The following SCGB2B2 variants were observed in gnomAD, a reference collection of about 807,000 sequenced individuals.
The protein encoded by SCGB2B2 is secretoglobin-like protein.
Under a neutral mutation model 7.6 loss-of-function variants are expected in SCGB2B2, and 11 were observed. That is an observed-to-expected ratio of 1.45 (90% CI 0.91 to 2.40). The LOEUF is 2.40. Among genes scored for constraint, SCGB2B2 ranks in the 30% most tolerant of loss-of-function variants. The probability of loss-of-function intolerance (pLI) is 0.00; values close to 1 mark genes in which losing one functional copy is unlikely to be tolerated. For missense variants in SCGB2B2, 104 were observed against 115.4 expected (o/e 0.90, Z 0.45); for synonymous variants, 50 against 48.6 (o/e 1.03, Z -0.12).
At chr19:34,593,671 C>T (rs1251370430) in intron 3 of SCGB2B2, 72 bp from the exon 4 acceptor site, 29 of 1,299,076 alleles carry the variant, frequency 2.2e-5, no homozygotes, top group South Asian at 7.6e-5. Context: ...CGTTATTGCC[C>T]GGTCCCCGAG....
intron 1 of SCGB2B2, among the ~76,000 whole-genome samples, chr19:34,638,478 CA>C (rs1301909702): frequency 1.3e-5 from 2 of 148,680 alleles, no homozygotes; most frequent in African/African-American, 2.5e-5. Flanking sequence ...CATCCCCCCC[CA>C]AAAAAACAAA....
At chr19:34,628,336 G>GT (rs1250426783) in intron 1 of SCGB2B2, among the ~76,000 whole-genome samples, 5 of 148,526 alleles carry the variant, frequency 3.4e-5, no homozygotes, top group East Asian at 1.9e-4. Context: ...TCCAGGAACT[G>GT]TTTTTTTGAC....
chr19:34,624,696 G>A (rs192390111), intron 1 of SCGB2B2, among the ~76,000 whole-genome samples: 2 of 152,304 alleles, frequency 1.3e-5, no homozygotes, highest in East Asian at 1.9e-4. Context: ...TGCAGCCTCC[G>A]CCAGATGCCT....
intron 1 of SCGB2B2, chr19:34,640,652 T>A (rs769774979): frequency 3.3e-5 from 5 of 152,234 alleles, no homozygotes; most frequent in African/African-American, 7.2e-5. Context: ...GTTAAGTGTA[T>A]AGTTCAGTGG....
downstream of SCGB2B2, among the ~76,000 whole-genome samples, chr19:34,588,217 GT>G (rs2065223478): frequency 6.6e-6 from 1 of 152,198 alleles, no homozygotes; most frequent in Non-Finnish European, 1.5e-5. Context: ...TAATTGGTCT[GT>G]TCAAAAGTTT....
intron 1 of SCGB2B2, among the ~76,000 whole-genome samples, chr19:34,663,754 G>A (rs957840374): frequency 1.3e-5 from 2 of 151,938 alleles, no homozygotes; most frequent in African/African-American, 4.8e-5. Flanking sequence ...CATGGGAGGA[G>A]GGAAAGGGAG....
intron 1 of SCGB2B2, among the ~76,000 whole-genome samples, chr19:34,597,995 C>T (rs916774699): frequency 1.3e-5 from 2 of 149,762 alleles, no homozygotes; most frequent in South Asian, 2.1e-4. Context: ...ATGGAGGGGT[C>T]GGGGAGACTG....
intron 1 of SCGB2B2, among the ~76,000 whole-genome samples, chr19:34,610,146 G>GT (rs747660723): frequency 4.0e-5 from 6 of 151,732 alleles, no homozygotes; most frequent in Non-Finnish European, 8.8e-5. Flanking sequence ...ACTGATTTTT[G>GT]TATGTCGATT....
intron 1 of SCGB2B2, among the ~76,000 whole-genome samples, chr19:34,621,099 C>T (rs891839694): frequency 2.0e-5 from 3 of 152,102 alleles, no homozygotes; most frequent in African/African-American, 4.8e-5. Flanking sequence ...GGCATTACAG[C>T]TTTTATTTTT....
At chr19:34,617,393 T>C (rs1341576276) in intron 1 of SCGB2B2, among the ~76,000 whole-genome samples, 3 of 151,658 alleles carry the variant, frequency 2.0e-5, no homozygotes. Context: ...CTTAAAGAGG[T>C]CCTTCACATC....
intron 1 of SCGB2B2, among the ~76,000 whole-genome samples, chr19:34,622,748 T>C (rs1288715606): frequency 6.6e-6 from 1 of 152,070 alleles, no homozygotes; most frequent in Non-Finnish European, 1.5e-5. Flanking sequence ...ATCAGAGAGA[T>C]CTTTGGACAC....
At chr19:34,661,840 T>A (rs1235031882) in intron 1 of SCGB2B2, among the ~76,000 whole-genome samples, 3 of 151,618 alleles carry the variant, frequency 2.0e-5, no homozygotes, top group Non-Finnish European at 4.4e-5. Context: ...TTTTTTTTTT[T>A]AGCTCATTAG....
chr19:34,588,763 G>A (rs2065236304), downstream of SCGB2B2, among the ~76,000 whole-genome samples: 1 of 152,196 alleles, frequency 6.6e-6, no homozygotes, highest in African/African-American at 2.4e-5. Flanking sequence ...GGGCATTGGT[G>A]ACTTGGTCAC....
intron 1 of SCGB2B2, among the ~76,000 whole-genome samples, chr19:34,604,886 T>A (rs1384770241): frequency 6.6e-6 from 1 of 152,230 alleles, no homozygotes; most frequent in Non-Finnish European, 1.5e-5. Context: ...AAATGACATA[T>A]AAGAAGCATG....
chr19:34,608,663 A>ATATATATATATATATATATATG (rs1190336154), intron 1 of SCGB2B2: 2 of 49,324 alleles, frequency 4.1e-5, no homozygotes, highest in African/African-American at 1.1e-4. Flanking sequence ...CTCATTGCAT[A>ATATATATATATATATATATATG]TATATATATA....
chr19:34,641,991 G>A (rs1337474734), intron 1 of SCGB2B2, among the ~76,000 whole-genome samples: 1 of 135,412 alleles, frequency 7.4e-6, no homozygotes, highest in Non-Finnish European at 1.7e-5. Context: ...CAGGGGCTAA[G>A]AGCCTTGTCC....
rs2065290647 is a variant in SCGB2B2, at chr19:34,591,281, G to T, written c.*2274C>A. Among the ~76,000 whole-genome samples the T allele has an allele frequency of 6.6e-6, 1 of 152,188 alleles. No individual in the cohort carries two copies. Among genetic ancestry groups the T allele is most frequent in the Admixed American group, 6.5e-5 (1 of 15,290 alleles). On this transcript the variant is annotated 3_prime_UTR_variant, in exon 4 of 4. Transcript: ENST00000601241. ...CTTCTCAGCAGTGGCATCACATCCA[G>T]CCAGCTGCTCCAGCCCAAATGTGAT...
intron 1 of SCGB2B2, among the ~76,000 whole-genome samples, chr19:34,616,370 T>G (rs1017893478): frequency 7.7e-6 from 1 of 130,334 alleles, no homozygotes; most frequent in African/African-American, 2.6e-5. Flanking sequence ...GACTTTTTAA[T>G]GATCGCCATT....
intron 1 of SCGB2B2, among the ~76,000 whole-genome samples, chr19:34,634,302 G>C (rs2066616085): frequency 1.3e-5 from 2 of 152,138 alleles, no homozygotes; most frequent in African/African-American, 4.8e-5. Context: ...CAGGGAAGCG[G>C]AGGGAGTACA....
Sources: gnomAD v4.1 joint callset for allele counts (sites outside exome capture counted in the v4.1 genomes callset) on GRCh38, gnomAD v4.1.1 for gene constraint, MANE v1.5 for transcripts, NCBI Gene and HGNC (gene_info 2026-07-23, HGNC 2026-07-21) for gene names.